B3GALT1: variants seen among roughly 807,000 people sequenced by gnomAD.
B3GALT1 encodes the protein UDP-Gal:betaGlcNAc beta 1,3-galactosyltransferase, polypeptide 1.
B3GALT1 carries 10 observed loss-of-function variants against 23.2 expected under a neutral mutation model. The ratio of observed to expected loss-of-function variants is 0.43; its 90% CI spans 0.27 to 0.73. The LOEUF is 0.73. Ranked by LOEUF, B3GALT1 falls within the 30% of genes least tolerant of loss-of-function variation. The pLI is 0.21. For missense variants in B3GALT1, 299 were observed against 405.4 expected, an observed-to-expected ratio of 0.74 and a Z score of 2.25; for synonymous variants, 156 against 141.5, an observed-to-expected ratio of 1.10 and a Z score of -0.73.
At chr2:167,664,555 T>C (rs940705838) in intron 3 of B3GALT1, among the ~76,000 whole-genome samples, 5 of 148,422 alleles carry the variant, frequency 3.4e-5, no homozygotes, top group East Asian at 4.1e-4. Context: ...CCTTGGGCAG[T>C]ATGACCATTT....
intron 4 of B3GALT1, among the ~76,000 whole-genome samples, chr2:167,867,174 C>G (rs549024928): frequency 6.6e-6 from 1 of 152,332 alleles, no homozygotes; most frequent in Non-Finnish European, 1.5e-5. Context: ...GATCCGCCCC[C>G]CTTGGCCTCC....
At chr2:167,673,881 C>T (rs1249306712) in intron 3 of B3GALT1, among the ~76,000 whole-genome samples, 2 of 152,022 alleles carry the variant, frequency 1.3e-5, no homozygotes, top group African/African-American at 4.8e-5. Context: ...AATTTGTCCC[C>T]TTCCTTACAT....
intron 2 of B3GALT1, among the ~76,000 whole-genome samples, chr2:167,560,486 C>G (rs1299858504): frequency 6.6e-6 from 1 of 152,028 alleles, no homozygotes; most frequent in Non-Finnish European, 1.5e-5. Flanking sequence ...GGACTAAATG[C>G]TCCAATTAAA....
At chr2:167,817,924 G>A (rs1689027395) in intron 3 of B3GALT1, among the ~76,000 whole-genome samples, 1 of 152,198 alleles carries the variant, frequency 6.6e-6, no homozygotes, top group African/African-American at 2.4e-5. Context: ...CAGTGGCAGA[G>A]TGGTCATAAG....
intron 3 of B3GALT1, among the ~76,000 whole-genome samples, chr2:167,781,039 G>C (rs368446090): frequency 1.3e-5 from 2 of 152,252 alleles, no homozygotes; most frequent in South Asian, 2.1e-4. Context: ...TGTAATATTA[G>C]AGAGGGCTTG....
intron 2 of B3GALT1, among the ~76,000 whole-genome samples, chr2:167,621,169 G>C (rs1193777540): frequency 6.8e-6 from 1 of 146,458 alleles, no homozygotes; most frequent in Non-Finnish European, 1.5e-5. Context: ...GCTCACTGCA[G>C]CCTTGACCTC....
At chr2:167,655,581 TTTACTTTCAGATG>T (rs1315851351) in intron 3 of B3GALT1, among the ~76,000 whole-genome samples, 25 of 152,302 alleles carry the variant, frequency 1.6e-4, no homozygotes, top group African/African-American at 5.8e-4. Flanking sequence ...GCATTTGAAA[TTTACTTTCAGATG>T]GAACGTGAGA....
chr2:167,459,452 A>G (rs948682091), intron 1 of B3GALT1, among the ~76,000 whole-genome samples: 3 of 152,158 alleles, frequency 2.0e-5, no homozygotes, highest in African/African-American at 7.2e-5. Context: ...ACATCTTTGC[A>G]TGTTTCCTGC....
rs116819839 is a variant in B3GALT1 at position 167,842,940 on chromosome 2, A to C, written c.-230+24147A>C. Reference sequence around the variant, plus strand: ...GGCATTAAGTGCCTTTCTGACATTTATTTCTTTCATTTTCATGAACCTGAA... The same window carrying C: ...GGCATTAAGTGCCTTTCTGACATTTCTTTCTTTCATTTTCATGAACCTGAA... On this transcript the variant is annotated intron_variant, in intron 4 of 4. Coordinates refer to ENST00000392690, the MANE Select transcript of B3GALT1 (RefSeq NM_020981.4). Among the ~76,000 whole-genome samples the C allele has an allele frequency of 4.8e-3, 725 of 152,162 alleles. 5 individuals carry two copies. The highest frequency in any genetic ancestry group is 0.017 in the African/African-American group (686 of 41,466).
intron 3 of B3GALT1, among the ~76,000 whole-genome samples, chr2:167,650,961 C>T (rs1286356345): frequency 1.3e-5 from 2 of 152,118 alleles, no homozygotes; most frequent in Admixed American, 1.3e-4. Flanking sequence ...ATAATAAATG[C>T]TCCTTAATTA....
chr2:167,843,360 T>G (rs754407854), intron 4 of B3GALT1, among the ~76,000 whole-genome samples: 25 of 152,172 alleles, frequency 1.6e-4, no homozygotes, highest in Non-Finnish European at 8.8e-5. Context: ...CAATCCAGCC[T>G]GTCAGACTCC....
rs778373391 is a variant in B3GALT1, at chr2:167,431,369, G to A, written c.-510-58808G>A. The stretch of plus-strand genomic sequence containing the variant: ...GAAAAATTTCAGTAATGGAGCCATG[G>A]GAGTTTTAATTTTAAAGTAATACAA... On this transcript the variant is annotated intron_variant, in intron 1 of 4. Transcript: ENST00000392690. Among the ~76,000 whole-genome samples, 51 of 152,080 alleles carry A rather than the reference G, an allele frequency of 3.4e-4. 1 individual carries two copies. Among genetic ancestry groups the A allele is most frequent in the Non-Finnish European group, 2.4e-4 (16 of 68,020 alleles).
chr2:167,746,703 C>T (rs1558966565), intron 3 of B3GALT1, among the ~76,000 whole-genome samples: 1 of 152,078 alleles, frequency 6.6e-6, no homozygotes, highest in Non-Finnish European at 1.5e-5. Flanking sequence ...ATTAGTATTC[C>T]ATGTTATACA....
intron 2 of B3GALT1, among the ~76,000 whole-genome samples, chr2:167,529,388 C>A (rs570413314): frequency 6.6e-6 from 1 of 151,768 alleles, no homozygotes; most frequent in South Asian, 2.1e-4. Flanking sequence ...TTTATACTTG[C>A]AGCCCAAACC....
intron 1 of B3GALT1, among the ~76,000 whole-genome samples, chr2:167,391,389 G>A (rs1190048323): frequency 3.3e-5 from 5 of 151,992 alleles, no homozygotes; most frequent in African/African-American, 7.3e-5. Context: ...TAACAGTTTC[G>A]CTGCTTTGAT....
At chr2:167,667,107 T>C (rs890786618) in intron 3 of B3GALT1, among the ~76,000 whole-genome samples, 6 of 152,180 alleles carry the variant, frequency 3.9e-5, no homozygotes, top group African/African-American at 1.4e-4. Context: ...CCCTTCCATG[T>C]TTAGCACTTC....
intron 3 of B3GALT1, among the ~76,000 whole-genome samples, chr2:167,719,630 T>C (rs1687200980): frequency 6.6e-6 from 1 of 151,946 alleles, no homozygotes. Flanking sequence ...ATAACAAAGG[T>C]GATAGATAAG....
chr2:167,356,465 A>C (rs909910860), intron 1 of B3GALT1, among the ~76,000 whole-genome samples: 1 of 152,102 alleles, frequency 6.6e-6, no homozygotes, highest in Non-Finnish European at 1.5e-5. Context: ...AATTTTGCTA[A>C]ATTCCCTCAC....
At chr2:167,803,115 CA>C (rs1688671745) in intron 3 of B3GALT1, among the ~76,000 whole-genome samples, 3 of 146,162 alleles carry the variant, frequency 2.1e-5, no homozygotes, top group African/African-American at 5.0e-5. Context: ...CACACACACA[CA>C]CACACCCCTT....
Sources: allele counts gnomAD v4.1 joint callset (sites outside exome capture counted in the v4.1 genomes callset), GRCh38; gene constraint gnomAD v4.1.1; transcripts MANE v1.5; gene names NCBI Gene and HGNC (gene_info 2026-07-23, HGNC 2026-07-21).